RASEF: variants seen among roughly 807,000 people sequenced by gnomAD.
RASEF encodes ras and EF-hand domain-containing protein.
In RASEF, 68 loss-of-function variants were observed where a neutral mutation model predicts 90.1. The observed-to-expected ratio is 0.75, with a 90% CI of 0.62 to 0.92. The LOEUF (loss-of-function observed/expected upper bound fraction) is 0.92. Among genes scored for constraint, RASEF ranks in the 40% least tolerant of loss-of-function variants. RASEF has a pLI of 0.00. For synonymous variants in RASEF, 331 were observed against 345.2 expected, an observed-to-expected ratio of 0.96 and a Z score of 0.46; for missense variants, 949 against 937.2, an observed-to-expected ratio of 1.01 and a Z score of -0.16.
the RASEF span, among the ~76,000 whole-genome samples, chr9:83,086,463 T>C: frequency 1.3e-5 from 2 of 152,200 alleles, no homozygotes; most frequent in South Asian, 2.1e-4. Flanking sequence ...ATCTGATGCA[T>C]AACAAGTTAC....
At chr9:83,092,003 CTTTTTTTTTTTT>C in the RASEF span, among the ~76,000 whole-genome samples, 28 of 35,928 alleles carry the variant, frequency 7.8e-4, 1 homozygote, top group South Asian at 0.039. Flanking sequence ...TCTTTTATTT[CTTTTTTTTTTTT>C]TTTTTTTTTT....
At chr9:83,197,259 G>T in the RASEF span, among the ~76,000 whole-genome samples, 1 of 152,234 alleles carries the variant, frequency 6.6e-6, no homozygotes, top group Non-Finnish European at 1.5e-5. Context: ...ATCACACAGA[G>T]CTTTTAGAGT....
At chr9:83,143,646 C>T in the RASEF span, among the ~76,000 whole-genome samples, 5 of 151,942 alleles carry the variant, frequency 3.3e-5, no homozygotes, top group African/African-American at 1.2e-4. Context: ...ATTAAAAAGT[C>T]AAAAAAACAA....
upstream of RASEF, among the ~76,000 whole-genome samples, chr9:83,067,214 T>C (rs1055094571): frequency 6.6e-6 from 1 of 152,118 alleles, no homozygotes; most frequent in Non-Finnish European, 1.5e-5. Flanking sequence ...ACTAGATACC[T>C]TAGTAATGGC....
chr9:83,217,294 T>C, the RASEF span, among the ~76,000 whole-genome samples: 1 of 152,176 alleles, frequency 6.6e-6, no homozygotes, highest in Non-Finnish European at 1.5e-5. Flanking sequence ...CTTTGGACTG[T>C]GGACTTTTGA....
rs1460491783 is a variant in RASEF, at chr9:83,015,350, G to A, written c.765+455C>T. On this transcript the variant is annotated intron_variant, in intron 4 of 16. Coordinates refer to ENST00000376447, the MANE Select transcript of RASEF (RefSeq NM_152573.4). ...TATTAAATCTATGCAAAAGACAGGTGGCCCCTGGAAACAGAAGAGGAACTC... is the reference window on the plus strand; with the variant it reads ...TATTAAATCTATGCAAAAGACAGGTAGCCCCTGGAAACAGAAGAGGAACTC... Among the ~76,000 whole-genome samples, 6 of 152,230 alleles carry A rather than the reference G, an allele frequency of 3.9e-5. No homozygotes were observed. The East Asian group carries it at 1.2e-3, about 29-fold the overall frequency.
the RASEF span, among the ~76,000 whole-genome samples, chr9:83,182,540 A>G: frequency 8.9e-3 from 1,358 of 152,320 alleles, 17 homozygotes; most frequent in African/African-American, 0.03. Flanking sequence ...ATTTAAGTAT[A>G]ATTTCATTAA....
At chr9:83,139,575 G>A in the RASEF span, among the ~76,000 whole-genome samples, 2 of 151,998 alleles carry the variant, frequency 1.3e-5, no homozygotes, top group African/African-American at 4.8e-5. Context: ...CATTAAAAAG[G>A]TCTTCACACT....
the RASEF span, among the ~76,000 whole-genome samples, chr9:83,164,347 G>GTGTATATATATATATA: frequency 7.7e-6 from 1 of 129,988 alleles, no homozygotes; most frequent in Admixed American, 7.9e-5. Context: ...GTATATGTGT[G>GTGTATATATATATATA]TATATATATA....
chr9:83,174,488 A>G, the RASEF span, among the ~76,000 whole-genome samples: 2,193 of 151,888 alleles, frequency 0.014, 37 homozygotes, highest in African/African-American at 0.049. Flanking sequence ...TCTCTGTTCT[A>G]CTCCATTGAT....
At chr9:83,166,428 G>A in the RASEF span, among the ~76,000 whole-genome samples, 1 of 152,144 alleles carries the variant, frequency 6.6e-6, no homozygotes, top group East Asian at 1.9e-4. Flanking sequence ...GACACACAGG[G>A]TTGTCAATAG....
chr9:83,134,149 C>T, the RASEF span, among the ~76,000 whole-genome samples: 5 of 151,924 alleles, frequency 3.3e-5, no homozygotes, highest in African/African-American at 1.2e-4. Context: ...TGGAATTTTC[C>T]CACTTACATC....
intron 1 of RASEF, among the ~76,000 whole-genome samples, chr9:83,041,482 G>A (rs1296163247): frequency 6.6e-6 from 1 of 152,184 alleles, no homozygotes; most frequent in Non-Finnish European, 1.5e-5. Context: ...AAAATTAGTT[G>A]TAGAGATTTT....
chr9:83,061,510 C>G (rs1233242634), intron 1 of RASEF, among the ~76,000 whole-genome samples: 1 of 152,180 alleles, frequency 6.6e-6, no homozygotes, highest in Non-Finnish European at 1.5e-5. Context: ...CTTAACAGCA[C>G]TGAAATGTGT....
the RASEF span, among the ~76,000 whole-genome samples, chr9:83,140,915 G>A: frequency 1.3e-5 from 2 of 152,046 alleles, no homozygotes; most frequent in Non-Finnish European, 1.5e-5. Context: ...GACCAAGGCC[G>A]ACAGATAACC....
At chr9:83,207,598 C>CTTTTTTTTTTTTTTT in the RASEF span, among the ~76,000 whole-genome samples, 3 of 85,456 alleles carry the variant, frequency 3.5e-5, no homozygotes, top group African/African-American at 1.3e-4. Context: ...AGGAGGGCTG[C>CTTTTTTTTTTTTTTT]TTTTTTTTTT....
chr9:83,019,414 G>A (rs1195392562), intron 3 of RASEF, among the ~76,000 whole-genome samples: 1 of 152,084 alleles, frequency 6.6e-6, no homozygotes, highest in Non-Finnish European at 1.5e-5. Flanking sequence ...TAAAACCACA[G>A]TGAGATTCCT....
chr9:83,065,664 G>A (rs563045339), upstream of RASEF, among the ~76,000 whole-genome samples: 22 of 152,318 alleles, frequency 1.4e-4, no homozygotes, highest in South Asian at 4.6e-3. Context: ...AAGGTAAAGA[G>A]ACAGCCTCTA....
chr9:83,210,606 C>T, the RASEF span, among the ~76,000 whole-genome samples: 3 of 152,166 alleles, frequency 2.0e-5, no homozygotes, highest in Non-Finnish European at 2.9e-5. Flanking sequence ...CTTCTACAAA[C>T]GATACCACTT....
Sources: gnomAD v4.1 joint callset for allele counts (sites outside exome capture counted in the v4.1 genomes callset) on GRCh38, gnomAD v4.1.1 for gene constraint, MANE v1.5 for transcripts, NCBI Gene and HGNC (gene_info 2026-07-23, HGNC 2026-07-21) for gene names.